NADK: variants seen among roughly 807,000 people sequenced by gnomAD.
NADK encodes the protein poly(P)/ATP NAD kinase.
NADK carries 22 observed loss-of-function variants against 49.8 expected under a neutral mutation model. The observed-to-expected ratio is 0.44, with a 90% CI of 0.32 to 0.63. The LOEUF (loss-of-function observed/expected upper bound fraction) is 0.63. Among genes scored for constraint, NADK ranks in the 30% least tolerant of loss-of-function variants. The pLI, the probability that NADK is intolerant of heterozygous loss-of-function variation, is 0.06. For synonymous variants in NADK, 268 were observed against 253.7 expected (o/e 1.06, Z -0.54); for missense variants, 438 against 609.4 (o/e 0.72, Z 2.96).
At chr1:1,757,146 G>GGGGGGGC in intron 4 of NADK, 35 bp downstream of exon 4, 1 of 1,524,040 alleles carries the variant, frequency 6.6e-7, no homozygotes, top group Non-Finnish European at 8.9e-7. Flanking sequence ...AACTCCATGT[G>GGGGGGGC]CACCCCAGGC....
chr1:1,759,560 G>C (rs1442392465), intron 3 of NADK, among the ~76,000 whole-genome samples: 1 of 152,256 alleles, frequency 6.6e-6, no homozygotes, highest in Non-Finnish European at 1.5e-5. Flanking sequence ...ACAGGGTCTT[G>C]CTCTGGACTA....
At chr1:1,779,692 T>G (rs1272664988), upstream of NADK, among the ~76,000 whole-genome samples, 1 of 151,554 alleles carries the variant, frequency 6.6e-6, no homozygotes, top group African/African-American at 2.4e-5. Context: ...TGTGTGTGTG[T>G]AGAGATGAGG....
At chr1:1,767,035 C>G (rs867948910) in intron 1 of NADK, among the ~76,000 whole-genome samples, 1 of 152,158 alleles carries the variant, frequency 6.6e-6, no homozygotes, top group Non-Finnish European at 1.5e-5. Flanking sequence ...CTGCTTCAGC[C>G]TCCCTAGCAG....
Position 1,757,354 on chromosome 1 carries a change from T to A in NADK, c.264-44A>T, listed in dbSNP as rs1360896103. On this transcript the variant is annotated intron_variant, in intron 3 of 11. Transcript: ENST00000341426. ...GAGTTCACACCAGCTGCGATCTCCC[T>A]CTTGCGGAAAAGGTGTATGACTTAG... 7 of 1,511,698 alleles carry A rather than the reference T, an allele frequency of 4.6e-6. No individual in the cohort carries two copies. The South Asian group carries it at 8.0e-5, about 17-fold the overall frequency. 93.6% of individuals were successfully genotyped at this position (1,511,698 alleles called of 1,614,324 possible). A position where few individuals can be genotyped will look rare whatever the true frequency, so the allele number is the denominator to read the frequency against.
chr1:1,755,611 G>A, intron 6 of NADK, 135 bp from the exon 7 acceptor site: 1 of 701,200 alleles, frequency 1.4e-6, no homozygotes, highest in Non-Finnish European at 2.5e-6. Context: ...GACTGGCCAT[G>A]TGGACAAGCG....
chr1:1,753,563 A>C lies in NADK; in HGVS notation c.1184+4T>G. Reference sequence around the variant, plus strand: ...CAGCGCCCAGCCCGGCATGCAGCCCACACCTGTCTCCATGGCGGATCTCTT... The same window carrying C: ...CAGCGCCCAGCCCGGCATGCAGCCCCCACCTGTCTCCATGGCGGATCTCTT... On this transcript the variant is annotated splice_donor_region_variant and intron_variant, in intron 11 of 11. Transcript: ENST00000341426. The C allele has an allele frequency of 1.9e-6, 3 of 1,610,950 alleles. No individual in the cohort carries two copies. Among genetic ancestry groups the C allele is most frequent in the Non-Finnish European group, 2.5e-6 (3 of 1,178,478 alleles).
chr1:1,776,617 A>G (rs1009130994), intron 1 of NADK, among the ~76,000 whole-genome samples: 5 of 152,050 alleles, frequency 3.3e-5, no homozygotes, highest in African/African-American at 1.2e-4. Flanking sequence ...TACTAAAAAT[A>G]CAAAAATTAG....
intron 1 of NADK, among the ~76,000 whole-genome samples, chr1:1,766,151 A>G (rs1404539454): frequency 6.6e-6 from 1 of 151,902 alleles, no homozygotes; most frequent in Non-Finnish European, 1.5e-5. Context: ...ACCCTGTCTT[A>G]AGAAAAGAAA....
At chr1:1,770,292 C>A (rs937002938) in intron 1 of NADK, among the ~76,000 whole-genome samples, 2 of 152,012 alleles carry the variant, frequency 1.3e-5, no homozygotes, top group South Asian at 2.1e-4. Context: ...GAGGCCACAG[C>A]CAGTGCAATA....
intron 1 of NADK, 73 bp from the exon 2 acceptor site, chr1:1,765,519 A>G (rs1645859310): frequency 1.3e-6 from 1 of 742,292 alleles, no homozygotes; most frequent in Non-Finnish European, 2.0e-6. Flanking sequence ...TTACACATAC[A>G]TATGTTCCAT....
intron 5 of NADK, 28 bp from the exon 6 acceptor site, chr1:1,756,371 G>A: frequency 6.2e-7 from 1 of 1,611,808 alleles, no homozygotes; most frequent in South Asian, 1.1e-5. Flanking sequence ...AAACCAAGAA[G>A]AGGCTGTCAC....
chr1:1,776,425 A>G (rs1646211525), intron 1 of NADK, among the ~76,000 whole-genome samples: 1 of 151,702 alleles, frequency 6.6e-6, no homozygotes, highest in Admixed American at 6.6e-5. Flanking sequence ...GCAGGCTGCC[A>G]ACTGAAACAA....
At chr1:1,765,159 A>G (rs910186990) in intron 2 of NADK, 69 bp downstream of exon 2, 2 of 1,430,842 alleles carry the variant, frequency 1.4e-6, no homozygotes, top group East Asian at 2.5e-5. Flanking sequence ...ATTCTTCATA[A>G]TCGTTTTAAG....
intron 1 of NADK, among the ~76,000 whole-genome samples, chr1:1,775,421 T>A (rs1447138480): frequency 2.6e-5 from 4 of 152,168 alleles, no homozygotes; most frequent in African/African-American, 9.7e-5. Flanking sequence ...TACTGCCCAC[T>A]AAATTACCCA....
At chr1:1,771,135 AT>A (rs1646041236) in intron 1 of NADK, among the ~76,000 whole-genome samples, 1 of 148,704 alleles carries the variant, frequency 6.7e-6, no homozygotes, top group Non-Finnish European at 1.5e-5. Context: ...ATATACATAT[AT>A]ATGATCTATA....
At chr1:1,766,320 C>T (rs755380299) in intron 1 of NADK, among the ~76,000 whole-genome samples, 19 of 141,944 alleles carry the variant, frequency 1.3e-4, no homozygotes, top group Non-Finnish European at 2.6e-4. Context: ...GCAGGAGAAT[C>T]GCTTGAACCC....
At chr1:1,771,951 G>A (rs988385049) in intron 1 of NADK, among the ~76,000 whole-genome samples, 2 of 150,768 alleles carry the variant, frequency 1.3e-5, no homozygotes, top group African/African-American at 4.9e-5. Flanking sequence ...GGGATTACAG[G>A]CATGCACCAC....
chr1:1,774,066 T>G (rs1646136546), intron 1 of NADK, among the ~76,000 whole-genome samples: 1 of 151,960 alleles, frequency 6.6e-6, no homozygotes, highest in Non-Finnish European at 1.5e-5. Flanking sequence ...TTTGCGAAGA[T>G]CAATTTGATG....
At chr1:1,760,591 A>G (rs926668812) in intron 3 of NADK, among the ~76,000 whole-genome samples, 2 of 152,162 alleles carry the variant, frequency 1.3e-5, no homozygotes, top group Non-Finnish European at 2.9e-5. Context: ...AACAGTCCCC[A>G]GCAGCCTGCG....
Sources: allele counts gnomAD v4.1 joint callset (sites outside exome capture counted in the v4.1 genomes callset), GRCh38; gene constraint gnomAD v4.1.1; transcripts MANE v1.5; gene names NCBI Gene and HGNC (gene_info 2026-07-23, HGNC 2026-07-21).